Variants in TRUB2 observed in about 807,000 individuals in gnomAD.
TRUB2 encodes TruB pseudouridine synthase family member 2.
A neutral mutation model predicts 31.9 loss-of-function variants in TRUB2; 31 were observed. That is an observed-to-expected ratio of 0.97 (90% confidence interval 0.73 to 1.31). TRUB2 has a LOEUF of 1.31. Ranked by LOEUF, TRUB2 falls within the 50% of genes most tolerant of loss-of-function variation. The probability of loss-of-function intolerance (pLI) is 0.00; values close to 1 mark genes in which losing one functional copy is unlikely to be tolerated. For missense variants in TRUB2, 451 were observed against 439.6 expected (o/e 1.03, Z -0.23); for synonymous variants, 201 against 182.6 (o/e 1.10, Z -0.81).
chr9:128,320,167 C>T (rs1198901548), intron 2 of TRUB2, among the ~76,000 whole-genome samples: 2 of 151,326 alleles, frequency 1.3e-5, no homozygotes, highest in Admixed American at 1.3e-4. Context: ...CCGCCCACCT[C>T]AGCCTCTTTA....
chr9:128,317,874 C>T (rs192046328), intron 2 of TRUB2, among the ~76,000 whole-genome samples: 10 of 152,184 alleles, frequency 6.6e-5, no homozygotes, highest in Non-Finnish European at 1.0e-4. Flanking sequence ...CGACTCAATA[C>T]ATTATACTTC....
At chr9:128,313,535 C>CAAA (rs563876862) in intron 5 of TRUB2, among the ~76,000 whole-genome samples, 3 of 79,200 alleles carry the variant, frequency 3.8e-5, no homozygotes, top group South Asian at 4.2e-4. Context: ...GACTCCGTCT[C>CAAA]AAAAAAAAAA....
rs1184599883 is a variant in TRUB2, at chr9:128,305,949, G to C, written c.*3601C>G. ...CTGGGCTCAAGCAATCCTCCTGTGTGGGGATCGCAAAGTGCTGGGATTACA... is the reference window on the plus strand; with the variant it reads ...CTGGGCTCAAGCAATCCTCCTGTGTCGGGATCGCAAAGTGCTGGGATTACA... On this transcript the variant is annotated 3_prime_UTR_variant, in exon 8 of 8. Transcript: ENST00000372890. The C allele has an allele frequency of 6.6e-6, 1 of 151,974 alleles. No individual in the cohort carries two copies. Among genetic ancestry groups the C allele is most frequent in the Non-Finnish European group, 1.5e-5 (1 of 67,990 alleles). The allele number at this position is 151,974 out of a possible 1,614,324, so 9.4% of individuals were successfully genotyped here. A position where few individuals can be genotyped will look rare whatever the true frequency, so the allele number is the denominator to read the frequency against.
intron 2 of TRUB2, among the ~76,000 whole-genome samples, chr9:128,320,455 C>T (rs1159315152): frequency 6.6e-6 from 1 of 152,066 alleles, no homozygotes; most frequent in African/African-American, 2.4e-5. Flanking sequence ...GCCTCAGCCT[C>T]CTGAGAACCT....
intron 5 of TRUB2, among the ~76,000 whole-genome samples, chr9:128,312,289 C>T (rs1831985226): frequency 2.0e-5 from 3 of 150,736 alleles, no homozygotes. Flanking sequence ...AGGTACACGC[C>T]AAGACACCCG....
intron 2 of TRUB2, among the ~76,000 whole-genome samples, chr9:128,320,380 T>C (rs1832143635): frequency 1.3e-5 from 2 of 151,486 alleles, no homozygotes; most frequent in Non-Finnish European, 2.9e-5. Context: ...TTGTCCAGGC[T>C]AGAGTGCAAT....
rs1443257071 is a variant in TRUB2 at position 128,306,535 on chromosome 9, C to T, written c.*3015G>A. Reference sequence around the variant, plus strand: ...TCCACTCACTGCAAGCTCCGCCTCCCGAGTTCCAGTTATTCTGCATCAGCC... The same window carrying T: ...TCCACTCACTGCAAGCTCCGCCTCCTGAGTTCCAGTTATTCTGCATCAGCC... On this transcript the variant is annotated 3_prime_UTR_variant, in exon 8 of 8. Transcript: ENST00000372890. 1.3e-5 allele frequency: 2 copies of T among 151,264 alleles called. No individual in the cohort carries two copies. The highest frequency in any genetic ancestry group is 2.9e-5 in the Non-Finnish European group (2 of 67,834). The allele number at this position is 151,264 out of a possible 1,614,324, so 9.4% of individuals were successfully genotyped here.
Position 128,309,451 on chromosome 9 carries a change from A to G in TRUB2, c.*99T>C. On this transcript the variant is annotated 3_prime_UTR_variant, in exon 8 of 8. Transcript: ENST00000372890. ...AGCTTGAGTTTTGTGTCTTACGTAG[A>G]AAAGGTGCCCCTGCTCTCACTTTCT... 7.6e-7 allele frequency: 1 copy of G among 1,322,622 alleles called. No individual in the cohort carries two copies. The highest frequency in any genetic ancestry group is 1.5e-5 in the African/African-American group (1 of 68,374). The allele number at this position is 1,322,622 out of a possible 1,614,324, so 81.9% of individuals were successfully genotyped here. A position where few individuals can be genotyped will look rare whatever the true frequency, so the allele number is the denominator to read the frequency against.
intron 5 of TRUB2, among the ~76,000 whole-genome samples, chr9:128,312,426 C>CTG (rs1831987681): frequency 1.3e-5 from 2 of 151,042 alleles, no homozygotes; most frequent in African/African-American, 2.4e-5. Context: ...GCGTGAGCCA[C>CTG]CGAACCTGGC....
Position 128,317,195 on chromosome 9 carries a change from A to C in TRUB2, c.273T>G (p.Val91=). ...VCGPAFAHLK[V]GVGHRLDAQA... ...GGGCATCCAACCGATGTCCCACGCCAACCTTGAGATGGGCGAATGCTGGTC... is the reference window on the plus strand; with the variant it reads ...GGGCATCCAACCGATGTCCCACGCCCACCTTGAGATGGGCGAATGCTGGTC... Residue 91 remains valine, a synonymous_variant, in exon 3 of 8, where the codon GTT becomes GTG. Transcript: ENST00000372890. 2 of 1,595,602 alleles carry C rather than the reference A, an allele frequency of 1.3e-6. No homozygotes were observed. The highest frequency in any genetic ancestry group is 1.7e-6 in the Non-Finnish European group (2 of 1,169,510).
chr9:128,315,193 A>G (rs1564384365), intron 4 of TRUB2, among the ~76,000 whole-genome samples: 1 of 152,150 alleles, frequency 6.6e-6, no homozygotes, highest in Non-Finnish European at 1.5e-5. Flanking sequence ...CTGGTGTTGG[A>G]GAGACCTAGG....
rs1832203230 is a variant in TRUB2, at chr9:128,322,305, A to G, written c.104T>C (p.Leu35Pro). The part of the protein sequence containing the change: ...HLRDTVELQL[L>P]KGLNARKPPA... ...GTCTGGTTCGAGGCACTCACCCTTC[A>G]GAAGTTGTAGCTCCACTGTATCCCG... Residue 35 changes from leucine to proline, a missense_variant, in exon 1 of 8, where the codon CTG becomes CCG. By Grantham distance (98) the Leu-to-Pro change is moderately conservative. Transcript: ENST00000372890. 1 of 1,613,918 alleles carries G rather than the reference A, an allele frequency of 6.2e-7. No individual in the cohort carries two copies. The highest frequency in any genetic ancestry group is 8.5e-7 in the Non-Finnish European group (1 of 1,179,784).
Position 128,313,912 on chromosome 9 carries a change from A to G in TRUB2, c.379-23T>C, listed in dbSNP as rs757909171. 5.0e-6 allele frequency: 8 copies of G among 1,610,982 alleles called. No individual in the cohort carries two copies. The East Asian group carries it at 1.3e-4, about 27-fold the overall frequency. On this transcript the variant is annotated intron_variant, in intron 4 of 7. Transcript: ENST00000372890. Reference sequence around the variant, plus strand: ...ATCCTTCAAGGACAGGGAGGTAAAGATCCGTCAGTGACCCCATTCTAAGCC... The same window carrying G: ...ATCCTTCAAGGACAGGGAGGTAAAGGTCCGTCAGTGACCCCATTCTAAGCC...
intron 3 of TRUB2, 130 bp from the exon 4 acceptor site, chr9:128,315,758 A>T: frequency 1.9e-6 from 2 of 1,040,766 alleles, no homozygotes; most frequent in South Asian, 2.8e-5. Flanking sequence ...AGGCAAAAAG[A>T]TCTTCTACAG....
rs746498431 is a variant in TRUB2, at chr9:128,315,586, T to C, written c.359A>G (p.Tyr120Cys). ...GHGCRLLTDMYNAHLTKDYTV... is the reference protein window; with the variant it reads ...GHGCRLLTDMCNAHLTKDYTV... Reference sequence around the variant, plus strand: ...TCGTACCTTGGTAAGATGAGCATTGTACATATCGGTGAGGAGCCTGCATCC... The same window carrying C: ...TCGTACCTTGGTAAGATGAGCATTGCACATATCGGTGAGGAGCCTGCATCC... The change falls in exon 4 of 8, where the codon TAC (tyrosine) becomes TGC (cysteine). Residue 120 changes from tyrosine (Y) to cysteine (C), a missense_variant. Physicochemically the swap from Tyr to Cys is radical, Grantham distance 194. Coordinates refer to ENST00000372890, the MANE Select transcript of TRUB2 (RefSeq NM_015679.3). 6.2e-7 allele frequency: 1 copy of C among 1,613,684 alleles called. No homozygotes were observed. The highest frequency in any genetic ancestry group is 1.1e-5 in the South Asian group (1 of 91,012).
At chr9:128,312,903 C>T (rs565364430) in intron 5 of TRUB2, among the ~76,000 whole-genome samples, 3 of 151,968 alleles carry the variant, frequency 2.0e-5, no homozygotes, top group South Asian at 2.1e-4. Context: ...TGAGCCACTG[C>T]GCCCGGCCTC....
In TRUB2 at chr9:128,308,567, ATCAG is replaced by A. The variant is rs1322464064; in HGVS notation, c.*979_*982del. The A allele has an allele frequency of 1.3e-5, 2 of 152,016 alleles. No homozygotes were observed. The highest frequency in any genetic ancestry group is 1.9e-4 in the East Asian group (1 of 5,186). 9.4% of individuals were successfully genotyped at this position (152,016 alleles called of 1,614,324 possible). On this transcript the variant is annotated 3_prime_UTR_variant, in exon 8 of 8. Coordinates refer to ENST00000372890, the MANE Select transcript of TRUB2 (RefSeq NM_015679.3). ...AAACAAAAAAATGATTAACATTTCA[ATCAG>A]TCAATGGGTAGACTTTGAGTCACGC...
chr9:128,322,334 G>C lies in TRUB2; in HGVS notation c.75C>G (p.His25Gln). ...GTTGTAGCTCCACTGTATCCCGCAG[G>C]TGCTTCCATTTTAGCCCCGGGGGCT... Reference protein sequence around the residue: ...VYKPPGLKWKHLRDTVELQLL... With the variant: ...VYKPPGLKWKQLRDTVELQLL... The change falls in exon 1 of 8, where the codon CAC (histidine) becomes CAG (glutamine). Residue 25 changes from histidine to glutamine, a missense_variant. By Grantham distance (24) the His-to-Gln change is conservative. Coordinates refer to ENST00000372890, the MANE Select transcript of TRUB2 (RefSeq NM_015679.3). The C allele has an allele frequency of 6.2e-7, 1 of 1,614,122 alleles. No individual in the cohort carries two copies. The highest frequency in any genetic ancestry group is 8.5e-7 in the Non-Finnish European group (1 of 1,180,028).
In TRUB2 at chr9:128,310,940, A is replaced by G; in HGVS notation, c.617T>C (p.Met206Thr). The G allele has an allele frequency of 1.2e-6, 2 of 1,614,244 alleles. No individual in the cohort carries two copies. The highest frequency in any genetic ancestry group is 1.7e-6 in the Non-Finnish European group (2 of 1,180,042). ...GAGGCATCGGATGCCAGTTATCAGCATCGGGGACTTGTTCATGGGCCGGAT... is the reference window on the plus strand; with the variant it reads ...GAGGCATCGGATGCCAGTTATCAGCGTCGGGGACTTGTTCATGGGCCGGAT... The part of the protein sequence containing the change: ...GLIRPMNKSP[M>T]LITGIRCLYF... The change falls in exon 7 of 8, where the codon ATG becomes ACG. Residue 206 changes from methionine (M) to threonine (T), a missense_variant. Met to Thr is a moderately conservative substitution (Grantham distance 81, BLOSUM62 -1). Transcript: ENST00000372890.
Sources: allele counts gnomAD v4.1 joint callset (sites outside exome capture counted in the v4.1 genomes callset), GRCh38; gene constraint gnomAD v4.1.1; transcripts MANE v1.5; gene names NCBI Gene and HGNC (gene_info 2026-07-23, HGNC 2026-07-21).